Variants in STEEP1 observed in about 807,000 individuals in gnomAD.
STEEP1 encodes the protein STING ER exit protein.
In STEEP1, 3 loss-of-function variants were observed where a neutral mutation model predicts 19.2. That is an observed-to-expected ratio of 0.16 (90% CI 0.07 to 0.40). STEEP1 has a LOEUF of 0.40. STEEP1 is among the 10% of genes least tolerant of loss of function. STEEP1 has a pLI of 0.99. For synonymous variants in STEEP1, 46 were observed against 63.7 expected (o/e 0.72, Z 1.32); for missense variants, 54 against 177.1 (o/e 0.30, Z 3.94).
chrX:119,548,125 T>C (rs1036023857), intron 2 of STEEP1, among the ~76,000 whole-genome samples: 3 of 110,711 alleles, frequency 2.7e-5, no homozygotes, highest in South Asian at 3.8e-4. Context: ...TGAGCCAAGA[T>C]TGCGTCACTG....
chrX:119,564,224 C>T (rs898448384), intron 1 of STEEP1, among the ~76,000 whole-genome samples: 1 of 111,508 alleles, frequency 9.0e-6, no homozygotes, highest in East Asian at 2.8e-4. Flanking sequence ...AGGCTGGGCG[C>T]GGTGGCTCAC....
chrX:119,541,557 C>A, intron 5 of STEEP1, 137 bp from the exon 6 acceptor site: 1 of 425,448 alleles, frequency 2.4e-6, no homozygotes. Context: ...TTCCATTCTC[C>A]ATCTTTTCAG....
At position 119,545,450 on chromosome X, in the gene STEEP1, T is replaced by C; in HGVS notation, c.284+13A>G. ...TGCCTATGCTTGGAGAAACCCACAT[T>C]GTTAATACTTACTTTGCACATTTCT... is the stretch of plus-strand genomic sequence containing the variant. On this transcript the variant is annotated intron_variant, in intron 3 of 6. Transcript: ENST00000644802. 1.7e-6 allele frequency: 2 copies of C among 1,146,955 alleles called. No homozygotes were observed. The highest frequency in any genetic ancestry group is 2.2e-5 in the Admixed American group (1 of 45,757). 94.5% of individuals were successfully genotyped at this position (1,146,955 alleles called of 1,213,427 possible).
intron 2 of STEEP1, among the ~76,000 whole-genome samples, chrX:119,558,996 C>T (rs1302796942): frequency 9.1e-6 from 1 of 110,435 alleles, no homozygotes. Flanking sequence ...GCAGGTGGAT[C>T]GCCTGAGGCC....
At chrX:119,546,324 C>A (rs908744534) in intron 2 of STEEP1, among the ~76,000 whole-genome samples, 52 of 107,119 alleles carry the variant, frequency 4.9e-4, no homozygotes, top group African/African-American at 1.6e-3. Context: ...GCCTGTAATC[C>A]CAGCTACTCA....
At chrX:119,561,825 C>T (rs959997745) in intron 1 of STEEP1, among the ~76,000 whole-genome samples, 1 of 111,801 alleles carries the variant, frequency 8.9e-6, no homozygotes, top group African/African-American at 3.3e-5. Flanking sequence ...CATGTCAGCT[C>T]ATTTACTCTT....
intron 1 of STEEP1, among the ~76,000 whole-genome samples, chrX:119,562,528 C>T (rs1389736771): frequency 1.3e-3 from 112 of 88,363 alleles, no homozygotes; most frequent in African/African-American, 5.4e-3. Context: ...AGCGAAACTC[C>T]GTCTCAAAAA....
chrX:119,557,155 C>CAAAAAAAAAAAAAAAAAAAAAAAAAAAA (rs61087266), intron 2 of STEEP1, among the ~76,000 whole-genome samples: 1 of 47,778 alleles, frequency 2.1e-5, no homozygotes, highest in African/African-American at 7.3e-5. Flanking sequence ...GACTCTATCT[C>CAAAAAAAAAAAAAAAAAAAAAAAAAAAA]AAAAAAAAAA....
At chrX:119,564,158 T>G (rs1351072480) in intron 1 of STEEP1, among the ~76,000 whole-genome samples, 1 of 110,743 alleles carries the variant, frequency 9.0e-6, no homozygotes, top group African/African-American at 3.3e-5. Context: ...CTATAGGGCC[T>G]TGGAATGCCT....
chrX:119,558,892 A>G (rs896966937), intron 2 of STEEP1, among the ~76,000 whole-genome samples: 2 of 110,539 alleles, frequency 1.8e-5, no homozygotes, highest in African/African-American at 6.6e-5. Flanking sequence ...CAAATCTAAA[A>G]CAGAGCTAAC....
intron 1 of STEEP1, among the ~76,000 whole-genome samples, chrX:119,562,333 A>C (rs1035938834): frequency 9.0e-6 from 1 of 111,392 alleles, no homozygotes; most frequent in Non-Finnish European, 1.9e-5. Flanking sequence ...GGAGTTTGAG[A>C]CCGGCCTGAC....
At chrX:119,548,766 T>G (rs1374649232) in intron 2 of STEEP1, among the ~76,000 whole-genome samples, 3 of 111,406 alleles carry the variant, frequency 2.7e-5, no homozygotes, top group African/African-American at 9.8e-5. Flanking sequence ...TGCACTCTCA[T>G]GCTCATTGCA....
At chrX:119,548,191 C>CA (rs1050339070) in intron 2 of STEEP1, among the ~76,000 whole-genome samples, 2 of 107,824 alleles carry the variant, frequency 1.9e-5, no homozygotes, top group Non-Finnish European at 3.8e-5. Flanking sequence ...AACAAACAAA[C>CA]AAAAAAACCA....
chrX:119,561,258 A>G (rs780314518), intron 1 of STEEP1, among the ~76,000 whole-genome samples: 1 of 111,466 alleles, frequency 9.0e-6, no homozygotes, highest in South Asian at 3.7e-4. Flanking sequence ...AAAAAGGAAG[A>G]GAGAGGGTGA....
At chrX:119,561,848 TTAAAG>T (rs200859214) in intron 1 of STEEP1, among the ~76,000 whole-genome samples, 1,576 of 111,276 alleles carry the variant, frequency 0.014, 26 homozygotes, top group African/African-American at 0.047. Context: ...CAATGAATGG[TTAAAG>T]TAAAGATTTG....
intron 2 of STEEP1, among the ~76,000 whole-genome samples, chrX:119,548,316 C>T (rs2053219895): frequency 9.0e-6 from 1 of 110,710 alleles, no homozygotes; most frequent in Non-Finnish European, 1.9e-5. Flanking sequence ...AGGCGGATCA[C>T]GAAGGTCAGG....
chrX:119,542,680 G>A, intron 4 of STEEP1, 86 bp from the exon 5 acceptor site: 1 of 595,098 alleles, frequency 1.7e-6, no homozygotes, highest in Non-Finnish European at 2.8e-6. Flanking sequence ...GCCTGTGTGA[G>A]GGGCTGTGGG....
intron 3 of STEEP1, 112 bp from the exon 4 acceptor site, chrX:119,544,603 T>A: frequency 1.4e-6 from 1 of 725,605 alleles, no homozygotes; most frequent in South Asian, 2.7e-5. Context: ...CATAAACTAA[T>A]GACTGGCTCT....
chrX:119,542,050 C>CTTTT (rs2053165080), intron 5 of STEEP1, among the ~76,000 whole-genome samples: 1 of 53,798 alleles, frequency 1.9e-5, no homozygotes, highest in African/African-American at 6.5e-5. Flanking sequence ...AGTTTCTTTT[C>CTTTT]TTTTCTTTTT....
Sources: allele counts gnomAD v4.1 joint callset (sites outside exome capture counted in the v4.1 genomes callset), GRCh38; gene constraint gnomAD v4.1.1; transcripts MANE v1.5; gene names NCBI Gene and HGNC (gene_info 2026-07-23, HGNC 2026-07-21).